The following MYPN variants were observed in gnomAD, a reference collection of about 807,000 sequenced individuals.
MYPN encodes the protein myopalladin, also known as sarcomeric protein myopalladin, 145 kDa (MYOP).
MYPN carries 63 observed loss-of-function variants against 129.4 expected under a neutral mutation model. The observed-to-expected ratio is 0.49, with a 90% CI of 0.40 to 0.60. The LOEUF (loss-of-function observed/expected upper bound fraction) is 0.60, where lower values mean the gene tolerates loss of function less well. Ranked by LOEUF, MYPN falls within the 20% of genes least tolerant of loss-of-function variation. MYPN has a pLI of 0.00. For missense variants in MYPN, 1,596 were observed against 1,635.4 expected (o/e 0.98, Z 0.42); for synonymous variants, 629 against 600.9 (o/e 1.05, Z -0.68).
chr10:68,126,162 G>A (rs2042323402), intron 2 of MYPN, among the ~76,000 whole-genome samples: 1 of 152,176 alleles, frequency 6.6e-6, no homozygotes, highest in Non-Finnish European at 1.5e-5. Context: ...AGAACATAGG[G>A]TAAAGGTAAG....
At chr10:68,175,566 T>TTACC (rs2043215382) in intron 12 of MYPN, 105 bp downstream of exon 12, 1 of 1,278,148 alleles carries the variant, frequency 7.8e-7, no homozygotes, top group African/African-American at 1.5e-5. Flanking sequence ...GAGGCTGATG[T>TTACC]TGCAGCTCAG....
chr10:68,106,418 T>G, upstream of MYPN: 2 of 414,196 alleles, frequency 4.8e-6, no homozygotes, highest in South Asian at 4.3e-5. Context: ...TAAGATCTTT[T>G]ATAATCCACC....
intron 8 of MYPN, chr10:68,165,443 C>T (rs2043038561): frequency 1.9e-6 from 1 of 527,514 alleles, no homozygotes; most frequent in Admixed American, 2.2e-5. Flanking sequence ...CAGAGCGAGA[C>T]TCCACCTAAA....
chr10:68,184,437 A>T (rs1300488932), intron 12 of MYPN, among the ~76,000 whole-genome samples: 1 of 150,938 alleles, frequency 6.6e-6, no homozygotes, highest in Non-Finnish European at 1.5e-5. Context: ...TGTTGGAGGC[A>T]TTTTTTTTTA....
At position 68,122,080 on chromosome 10, in the gene MYPN, T is replaced by C. The variant is rs769861237; in HGVS notation, c.642T>C (p.Pro214=). The stretch of plus-strand genomic sequence containing the variant: ...GAGAAAGATCTTCTGTTCCCATCCC[T>C]ATCCCTGCGGATACCAGGGATAATG... ...ERRERSSVPI[P]IPADTRDNEV... Residue 214 remains proline (P), a synonymous_variant, in exon 2 of 20, where the codon CCT becomes CCC. Transcript: ENST00000358913. 9.3e-6 allele frequency: 15 copies of C among 1,614,162 alleles called. No individual in the cohort carries two copies. The highest frequency in any genetic ancestry group is 1.2e-5 in the Non-Finnish European group (14 of 1,180,026).
In MYPN at chr10:68,211,506, T is replaced by C. The variant is rs1032453827; in HGVS notation, c.*1051T>C. On this transcript the variant is annotated 3_prime_UTR_variant, in exon 20 of 20. Coordinates refer to ENST00000358913, the MANE Select transcript of MYPN (RefSeq NM_032578.4). The stretch of plus-strand genomic sequence containing the variant: ...AAATGCTTTGAGATCATTGGTCAAA[T>C]TGCATTTTCTATGTAGAGAATATTC... 6.6e-6 allele frequency: 3 copies of C among 453,896 alleles called. No individual in the cohort carries two copies. The highest frequency in any genetic ancestry group is 6.0e-5 in the African/African-American group (3 of 49,976). 28.1% of individuals were successfully genotyped at this position (453,896 alleles called of 1,614,324 possible).
At chr10:68,151,646 G>T (rs2042773442) in intron 6 of MYPN, among the ~76,000 whole-genome samples, 1 of 152,132 alleles carries the variant, frequency 6.6e-6, no homozygotes. Context: ...TCACACCTTA[G>T]AGACAGTGCT....
rs749796089 is a variant in MYPN, at chr10:68,197,488, A to G, written c.3285+10A>G. ...TCGGCTGGACTGTAAGGTAGACTCC[A>G]GCACCCATGCTTAGTTCCAGATCTG... On this transcript the variant is annotated intron_variant, in intron 16 of 19. Transcript: ENST00000358913. 2 of 1,613,230 alleles carry G rather than the reference A, an allele frequency of 1.2e-6. No individual in the cohort carries two copies. Among genetic ancestry groups the G allele is most frequent in the Non-Finnish European group, 1.7e-6 (2 of 1,179,620 alleles).
intron 12 of MYPN, among the ~76,000 whole-genome samples, chr10:68,183,204 T>A (rs2043365996): frequency 6.6e-6 from 1 of 152,214 alleles, no homozygotes; most frequent in South Asian, 2.1e-4. Context: ...CTCACGCCTG[T>A]AATCCCAGAA....
intron 6 of MYPN, among the ~76,000 whole-genome samples, chr10:68,150,596 C>A (rs2042753083): frequency 6.6e-6 from 1 of 152,120 alleles, no homozygotes; most frequent in Non-Finnish European, 1.5e-5. Context: ...TTCTGAGTCT[C>A]ATAATCTTTG....
In MYPN at chr10:68,174,676, CT is replaced by C. The variant is rs754683068; in HGVS notation, c.2564+22del. On this transcript the variant is annotated intron_variant, in intron 11 of 19. Coordinates refer to ENST00000358913, the MANE Select transcript of MYPN (RefSeq NM_032578.4). Reference sequence around the variant, plus strand: ...ATCCATGTAAGTGTCATTGAGGTTTCTTGATGTAAGATGCTAGTTAAGAGTC... The same window carrying C: ...ATCCATGTAAGTGTCATTGAGGTTTCTGATGTAAGATGCTAGTTAAGAGTC... The C allele has an allele frequency of 3.7e-6, 6 of 1,609,760 alleles. No individual in the cohort carries two copies. Among genetic ancestry groups the C allele is most frequent in the Middle Eastern group, 1.7e-4 (1 of 6,054 alleles).
intron 16 of MYPN, among the ~76,000 whole-genome samples, chr10:68,198,866 A>G (rs10998011): frequency 0.57 from 85,243 of 148,452 alleles, 26,354 homozygotes; most frequent in Non-Finnish European, 0.69. Flanking sequence ...TGTTGGGGGG[A>G]TGGGAGGGGT....
chr10:68,173,788 A>G (rs2043179506), intron 10 of MYPN, among the ~76,000 whole-genome samples: 1 of 151,232 alleles, frequency 6.6e-6, no homozygotes, highest in South Asian at 2.1e-4. Flanking sequence ...AGCTGGGGCT[A>G]CAGGCGTGCA....
Position 68,146,335 on chromosome 10 carries a change from T to C in MYPN, c.1130+809T>C, listed in dbSNP as rs76412855. 9.2e-3 allele frequency among the ~76,000 whole-genome samples: 1,400 copies of C among 152,304 alleles called. 12 individuals carry two copies. Among genetic ancestry groups the C allele is most frequent in the African/African-American group, 0.032 (1,330 of 41,558 alleles). The stretch of plus-strand genomic sequence containing the variant: ...CTGTCTAGCAAACTCTTATTTGTCC[T>C]GCAAAACCCAGTCTAAATGTTCTTT... On this transcript the variant is annotated intron_variant, in intron 4 of 19. Transcript: ENST00000358913.
intron 1 of MYPN, among the ~76,000 whole-genome samples, chr10:68,113,861 C>G (rs1247696408): frequency 2.0e-5 from 3 of 152,058 alleles, no homozygotes; most frequent in African/African-American, 7.2e-5. Flanking sequence ...ATTAATATAT[C>G]CATAGCCTCA....
chr10:68,169,827 C>A (rs1230822389), intron 10 of MYPN, among the ~76,000 whole-genome samples: 1 of 151,956 alleles, frequency 6.6e-6, no homozygotes. Flanking sequence ...GCAACTTCTG[C>A]CTTCCGGGTT....
chr10:68,097,366 T>C (rs1044910781), intron 1 of MYPN, among the ~76,000 whole-genome samples: 14 of 152,204 alleles, frequency 9.2e-5, no homozygotes, highest in African/African-American at 3.4e-4. Flanking sequence ...GACTCATCAG[T>C]CTAGGTGGCC....
chr10:68,205,251 T>C (rs1383802690), intron 18 of MYPN, among the ~76,000 whole-genome samples: 2 of 152,160 alleles, frequency 1.3e-5, no homozygotes, highest in Non-Finnish European at 2.9e-5. Context: ...AGAATAACCT[T>C]TTCCCCTCTG....
rs1381527530 is a variant in MYPN at position 68,188,892 on chromosome 10, G to A, written c.2704-13G>A. Reference sequence around the variant, plus strand: ...GCCATATGGAAATTGAAACACGTTTGTCATTTTGACAGGAGTACAAAATTT... The same window carrying A: ...GCCATATGGAAATTGAAACACGTTTATCATTTTGACAGGAGTACAAAATTT... On this transcript the variant is annotated splice_polypyrimidine_tract_variant and intron_variant, in intron 12 of 19. Transcript: ENST00000358913. 13 of 1,610,856 alleles carry A rather than the reference G, an allele frequency of 8.1e-6. No individual in the cohort carries two copies. Among genetic ancestry groups the A allele is most frequent in the South Asian group, 1.1e-5 (1 of 90,600 alleles).
Sources: allele counts gnomAD v4.1 joint callset (sites outside exome capture counted in the v4.1 genomes callset), GRCh38; gene constraint gnomAD v4.1.1; transcripts MANE v1.5; gene names NCBI Gene and HGNC (gene_info 2026-07-23, HGNC 2026-07-21).